The following LTBP1 variants were observed in gnomAD, a reference collection of about 807,000 sequenced individuals.
LTBP1 encodes latent transforming growth factor beta binding protein 1, also known as latent-transforming growth factor beta-binding protein 1.
A neutral mutation model predicts 207.6 loss-of-function variants in LTBP1; 129 were observed. That is an observed-to-expected ratio of 0.62 (90% confidence interval 0.54 to 0.72). LTBP1 has a LOEUF of 0.72. Ranked by LOEUF, LTBP1 falls within the 30% of genes least tolerant of loss-of-function variation. The probability of loss-of-function intolerance (pLI) is 0.00; values close to 1 mark genes in which losing one functional copy is unlikely to be tolerated. For synonymous variants in LTBP1, 963 were observed against 833.7 expected (o/e 1.16, Z -2.67); for missense variants, 2,281 against 2,217.2 (o/e 1.03, Z -0.58).
At chr2:33,163,801 T>C (rs927292248) in intron 5 of LTBP1, among the ~76,000 whole-genome samples, 11 of 152,150 alleles carry the variant, frequency 7.2e-5, no homozygotes, top group Admixed American at 3.3e-4. Context: ...AAATCATTGA[T>C]TTCTAGTTAA....
chr2:33,270,785 A>G (rs779677008), intron 15 of LTBP1, among the ~76,000 whole-genome samples: 16 of 152,114 alleles, frequency 1.1e-4, no homozygotes, highest in Non-Finnish European at 1.5e-4. Context: ...GTGTCAGCCT[A>G]ACATTTTCTT....
intron 3 of LTBP1, among the ~76,000 whole-genome samples, chr2:33,059,374 A>G (rs2077159405): frequency 6.6e-6 from 1 of 152,242 alleles, no homozygotes; most frequent in African/African-American, 2.4e-5. Flanking sequence ...CTTCCCCAGT[A>G]ATGAGACCCA....
intron 5 of LTBP1, among the ~76,000 whole-genome samples, chr2:33,146,433 G>C (rs1225224852): frequency 6.6e-6 from 1 of 152,220 alleles, no homozygotes; most frequent in South Asian, 2.1e-4. Context: ...TGGGCAGAGC[G>C]GAGGGTGGAA....
At chr2:33,231,774 G>A (rs1035617393) in intron 9 of LTBP1, among the ~76,000 whole-genome samples, 1 of 152,160 alleles carries the variant, frequency 6.6e-6, no homozygotes, top group South Asian at 2.1e-4. Context: ...GAATCTTAAG[G>A]CAAAGCTCTT....
At chr2:33,033,560 C>T (rs2149338364) in intron 3 of LTBP1, among the ~76,000 whole-genome samples, 1 of 150,990 alleles carries the variant, frequency 6.6e-6, no homozygotes, top group Admixed American at 6.6e-5. Flanking sequence ...ATAATAGCTC[C>T]TGTAGAGTTT....
At chr2:33,218,525 T>C (rs1407194863) in intron 8 of LTBP1, among the ~76,000 whole-genome samples, 2 of 152,116 alleles carry the variant, frequency 1.3e-5, no homozygotes, top group Non-Finnish European at 2.9e-5. Flanking sequence ...GCCTCCCGAG[T>C]AGCTAGGGTT....
intron 26 of LTBP1, among the ~76,000 whole-genome samples, chr2:33,351,540 T>C (rs1199907679): frequency 2.6e-5 from 4 of 152,226 alleles, no homozygotes; most frequent in African/African-American, 4.8e-5. Context: ...TCTGTCACCA[T>C]GTTGACCTCT....
rs560669776 is a variant in LTBP1, at chr2:33,079,171, G to A, written c.864-31411G>A. 2.0e-5 allele frequency among the ~76,000 whole-genome samples: 3 copies of A among 152,180 alleles called. No individual in the cohort carries two copies. In the South Asian group the frequency reaches 6.2e-4, roughly 32 times the overall value. On this transcript the variant is annotated intron_variant, in intron 3 of 33. Coordinates refer to ENST00000404816, the MANE Select transcript of LTBP1 (RefSeq NM_206943.4). ...ATACTGTTTATTTAACAATATTAAT[G>A]AAACACTTTGCATCAGGCACAGGAG...
chr2:33,115,490 T>G (rs900874446), intron 4 of LTBP1, among the ~76,000 whole-genome samples: 1 of 152,142 alleles, frequency 6.6e-6, no homozygotes, highest in Non-Finnish European at 1.5e-5. Context: ...AAGGGTGAAT[T>G]CTGTGGCATG....
intron 32 of LTBP1, among the ~76,000 whole-genome samples, chr2:33,393,118 G>A (rs1425258722): frequency 6.6e-6 from 1 of 151,816 alleles, no homozygotes; most frequent in African/African-American, 2.4e-5. Flanking sequence ...ATGTCATGGG[G>A]GTTAGTGGTA....
intron 31 of LTBP1, among the ~76,000 whole-genome samples, chr2:33,379,881 G>T (rs983942436): frequency 1.1e-4 from 17 of 152,098 alleles, no homozygotes; most frequent in African/African-American, 3.9e-4. Flanking sequence ...CTTGAGATCT[G>T]AACTTCTGAA....
intron 3 of LTBP1, among the ~76,000 whole-genome samples, chr2:33,052,191 G>T (rs908474610): frequency 6.6e-6 from 1 of 152,230 alleles, no homozygotes. Flanking sequence ...CACGTCATTC[G>T]ACCGTTGCTA....
At chr2:33,195,163 A>C (rs943422197) in intron 7 of LTBP1, among the ~76,000 whole-genome samples, 1 of 152,224 alleles carries the variant, frequency 6.6e-6, no homozygotes, top group Admixed American at 6.5e-5. Flanking sequence ...TCATGCCTGC[A>C]ATCACAACAT....
intron 10 of LTBP1, among the ~76,000 whole-genome samples, chr2:33,252,039 T>C (rs2092700513): frequency 6.6e-6 from 1 of 152,228 alleles, no homozygotes; most frequent in African/African-American, 2.4e-5. Context: ...TTGTATACTT[T>C]TGCAGTGTTT....
intron 4 of LTBP1, among the ~76,000 whole-genome samples, chr2:33,121,518 G>T (rs1387017530): frequency 6.6e-6 from 1 of 151,996 alleles, no homozygotes; most frequent in Non-Finnish European, 1.5e-5. Flanking sequence ...CCACCAGCTG[G>T]GCTCCTTGTT....
At chr2:33,262,368 C>T (rs2093038858) in intron 13 of LTBP1, among the ~76,000 whole-genome samples, 1 of 152,052 alleles carries the variant, frequency 6.6e-6, no homozygotes, top group South Asian at 2.1e-4. Flanking sequence ...GGCAATAGTC[C>T]TCGTTGGGGG....
At chr2:33,085,672 ATTGAAG>A (rs2078706609) in intron 3 of LTBP1, among the ~76,000 whole-genome samples, 1 of 152,188 alleles carries the variant, frequency 6.6e-6, no homozygotes, top group African/African-American at 2.4e-5. Context: ...GATTTAGAGT[ATTGAAG>A]TCACTTGCAT....
At chr2:32,993,322 G>A (rs1171887696) in intron 2 of LTBP1, among the ~76,000 whole-genome samples, 1 of 152,102 alleles carries the variant, frequency 6.6e-6, no homozygotes, top group African/African-American at 2.4e-5. Context: ...GAAAATTGGT[G>A]GAGACAGCCT....
intron 2 of LTBP1, among the ~76,000 whole-genome samples, chr2:32,959,621 A>ATATATATTTTTTTTT (rs1475834284): frequency 2.7e-5 from 1 of 36,668 alleles, no homozygotes; most frequent in Non-Finnish European, 5.0e-5. Context: ...ATATATATAT[A>ATATATATTTTTTTTT]TTTTTTTTTT....
Sources: gnomAD v4.1 joint callset for allele counts (sites outside exome capture counted in the v4.1 genomes callset) on GRCh38, gnomAD v4.1.1 for gene constraint, MANE v1.5 for transcripts, NCBI Gene and HGNC (gene_info 2026-07-23, HGNC 2026-07-21) for gene names.